Variants in EXOC1L observed in about 807,000 individuals in gnomAD.
EXOC1L encodes exocyst complex component 1 like.
A neutral mutation model predicts 4.9 loss-of-function variants in EXOC1L; 10 were observed. That is an observed-to-expected ratio of 2.02 (90% CI 1.25 to 3.43). The LOEUF is 3.43. Among genes scored for constraint, EXOC1L ranks in the 30% most tolerant of loss-of-function variants. The pLI is 0.00. For synonymous variants in EXOC1L, 41 were observed against 20.8 expected (o/e 1.97, Z -2.63); for missense variants, 114 against 59.4 (o/e 1.92, Z -3.02).
At chr4:55,828,878 T>C (rs994310842) in intron 1 of EXOC1L, among the ~76,000 whole-genome samples, 5 of 150,088 alleles carry the variant, frequency 3.3e-5, no homozygotes, top group African/African-American at 5.0e-5. Flanking sequence ...AACAAACAAA[T>C]GACGACAACA....
At chr4:55,826,869 C>T (rs972523001) in intron 1 of EXOC1L, among the ~76,000 whole-genome samples, 3 of 152,184 alleles carry the variant, frequency 2.0e-5, no homozygotes, top group African/African-American at 7.2e-5. Context: ...AAAAGGTTAA[C>T]TTTTAAAGAA....
chr4:55,834,343 C>CAATA (rs1720109211), intron 2 of EXOC1L, among the ~76,000 whole-genome samples: 1 of 151,780 alleles, frequency 6.6e-6, no homozygotes, highest in South Asian at 2.1e-4. Flanking sequence ...CTGGCTCTGC[C>CAATA]AATAACTAAA....
rs1719697891 is a variant in EXOC1L, at chr4:55,819,946, C to G, written c.-81C>G. On this transcript the variant is annotated 5_prime_UTR_variant, in exon 1 of 3. Coordinates refer to ENST00000636125, the MANE Select transcript of EXOC1L (RefSeq NM_001351574.3). ...CAGGACTCACCAAGGAGCTGCAAAC[C>G]CAAACGAGAAATCTAGGGAGCAAAA... 2.5e-6 allele frequency: 1 copy of G among 396,194 alleles called. No homozygotes were observed. Among genetic ancestry groups the G allele is most frequent in the Non-Finnish European group, 4.5e-6 (1 of 224,634 alleles). 24.5% of individuals were successfully genotyped at this position (396,194 alleles called of 1,614,324 possible). A position where few individuals can be genotyped will look rare whatever the true frequency, so the allele number is the denominator to read the frequency against.
chr4:55,835,203 T>G (rs944997590), intron 2 of EXOC1L, among the ~76,000 whole-genome samples: 4 of 150,800 alleles, frequency 2.7e-5, no homozygotes, highest in African/African-American at 9.7e-5. Context: ...ATATATATTA[T>G]ATAAATCATA....
At chr4:55,828,850 A>AAAACAAACAAAC (rs372951187) in intron 1 of EXOC1L, among the ~76,000 whole-genome samples, 17 of 152,070 alleles carry the variant, frequency 1.1e-4, no homozygotes, top group African/African-American at 3.9e-4. Context: ...TTCAAAATGA[A>AAAACAAACAAAC]AAACAAACAA....
chr4:55,822,795 C>T (rs1719780635), intron 1 of EXOC1L, among the ~76,000 whole-genome samples: 1 of 152,068 alleles, frequency 6.6e-6, no homozygotes, highest in Non-Finnish European at 1.5e-5. Flanking sequence ...CAGTGCTCCC[C>T]TGTTAAATTC....
At chr4:55,827,902 C>G (rs891009137) in intron 1 of EXOC1L, among the ~76,000 whole-genome samples, 1 of 151,758 alleles carries the variant, frequency 6.6e-6, no homozygotes, top group African/African-American at 2.4e-5. Flanking sequence ...TTAATCCTTT[C>G]GTCTTCCCAA....
At chr4:55,829,313 G>A (rs1054824051) in intron 1 of EXOC1L, among the ~76,000 whole-genome samples, 1 of 152,146 alleles carries the variant, frequency 6.6e-6, no homozygotes, top group Non-Finnish European at 1.5e-5. Flanking sequence ...TCATTCTGAT[G>A]TCTATTTTAC....
At chr4:55,826,455 A>T (rs1719889083) in intron 1 of EXOC1L, among the ~76,000 whole-genome samples, 1 of 152,192 alleles carries the variant, frequency 6.6e-6, no homozygotes, top group Non-Finnish European at 1.5e-5. Context: ...TTAATGACAA[A>T]GTTTATTTTA....
intron 1 of EXOC1L, among the ~76,000 whole-genome samples, chr4:55,826,877 G>T (rs1719897876): frequency 1.3e-5 from 2 of 152,202 alleles, no homozygotes; most frequent in African/African-American, 4.8e-5. Flanking sequence ...AACTTTTAAA[G>T]AATGCTCTTT....
At chr4:55,825,949 G>C (rs979897459) in intron 1 of EXOC1L, among the ~76,000 whole-genome samples, 1 of 151,814 alleles carries the variant, frequency 6.6e-6, no homozygotes, top group Non-Finnish European at 1.5e-5. Context: ...GCTGGGCATG[G>C]TGGTAGGCGC....
chr4:55,819,919 G>A lies in EXOC1L; in HGVS notation c.-108G>A, dbSNP rs1314573907. 1.7e-4 allele frequency: 68 copies of A among 393,480 alleles called. No homozygotes were observed. The highest frequency in any genetic ancestry group is 3.1e-5 in the Non-Finnish European group (7 of 223,336). The allele number at this position is 393,480 out of a possible 1,614,324, so 24.4% of individuals were successfully genotyped here. On this transcript the variant is annotated 5_prime_UTR_variant, in exon 1 of 3. Coordinates refer to ENST00000636125, the MANE Select transcript of EXOC1L (RefSeq NM_001351574.3). ...TTAAGAGAGGGAGGGCTGAGAGGTG[G>A]GCAGGACTCACCAAGGAGCTGCAAA...
At chr4:55,826,970 T>A (rs1262980978) in intron 1 of EXOC1L, among the ~76,000 whole-genome samples, 1 of 152,192 alleles carries the variant, frequency 6.6e-6, no homozygotes, top group African/African-American at 2.4e-5. Context: ...CTTCTTCATG[T>A]CTCTTCTCTC....
intron 1 of EXOC1L, among the ~76,000 whole-genome samples, chr4:55,828,669 C>T (rs1174855859): frequency 6.6e-6 from 1 of 151,898 alleles, no homozygotes. Context: ...CAGTGAGACC[C>T]GTCTCTACAA....
intron 1 of EXOC1L, among the ~76,000 whole-genome samples, chr4:55,828,106 C>T (rs575568330): frequency 2.0e-5 from 3 of 152,256 alleles, no homozygotes; most frequent in South Asian, 2.1e-4. Flanking sequence ...GCCTCCAAAA[C>T]GTATAATCCC....
chr4:55,833,846 G>C (rs189485778), intron 2 of EXOC1L, among the ~76,000 whole-genome samples: 15 of 151,852 alleles, frequency 9.9e-5, no homozygotes, highest in African/African-American at 3.6e-4. Flanking sequence ...CTTTCATAGT[G>C]AACAAGATAC....
intron 1 of EXOC1L, among the ~76,000 whole-genome samples, chr4:55,829,672 G>A (rs722709): frequency 0.24 from 36,666 of 151,994 alleles, 4,870 homozygotes; most frequent in Non-Finnish European, 0.28. Context: ...CCCTTCTCCC[G>A]AGGACTGAGC....
chr4:55,823,740 G>T (rs1719805519), intron 1 of EXOC1L, among the ~76,000 whole-genome samples: 2 of 152,002 alleles, frequency 1.3e-5, no homozygotes, highest in Admixed American at 1.3e-4. Context: ...ACGGAGTCTT[G>T]CTCTGTCACC....
intron 1 of EXOC1L, among the ~76,000 whole-genome samples, chr4:55,825,479 C>T (rs1413964254): frequency 2.0e-5 from 3 of 152,146 alleles, no homozygotes; most frequent in Admixed American, 1.3e-4. Flanking sequence ...CTAATGGAGG[C>T]TTTAAATCCA....
Sources: allele counts gnomAD v4.1 joint callset (sites outside exome capture counted in the v4.1 genomes callset), GRCh38; gene constraint gnomAD v4.1.1; transcripts MANE v1.5; gene names NCBI Gene and HGNC (gene_info 2026-07-23, HGNC 2026-07-21).